The following TPRG1 variants were observed in gnomAD, a reference collection of about 807,000 sequenced individuals.
TPRG1 encodes tumor protein p63 regulated 1.
In TPRG1, 29 loss-of-function variants were observed where a neutral mutation model predicts 29.3. The ratio of observed to expected loss-of-function variants is 0.99; its 90% CI spans 0.74 to 1.35. The LOEUF (loss-of-function observed/expected upper bound fraction) is 1.35, where lower values mean the gene tolerates loss of function less well. Ranked by LOEUF, TPRG1 falls within the 40% of genes most tolerant of loss-of-function variation. The pLI is 0.00. For synonymous variants in TPRG1, 130 were observed against 116.8 expected (o/e 1.11, Z -0.73); for missense variants, 327 against 335.0 (o/e 0.98, Z 0.19).
intron 3 of TPRG1, among the ~76,000 whole-genome samples, chr3:189,227,676 A>G (rs1351968006): frequency 1.3e-5 from 2 of 152,234 alleles, no homozygotes; most frequent in East Asian, 3.8e-4. Context: ...GTTCTTTCAA[A>G]TGTTGATTTC....
chr3:189,292,292 C>CTTTTTTTTTTTTT (rs11459415), intron 4 of TPRG1, among the ~76,000 whole-genome samples: 1 of 114,928 alleles, frequency 8.7e-6, no homozygotes, highest in Non-Finnish European at 1.8e-5. Context: ...GAAGTTTTTG[C>CTTTTTTTTTTTTT]TTTTTTTTTT....
intron 3 of TPRG1, among the ~76,000 whole-genome samples, chr3:189,234,319 A>C (rs1424834853): frequency 1.3e-5 from 2 of 152,236 alleles, no homozygotes; most frequent in Non-Finnish European, 2.9e-5. Context: ...GATATCAAAA[A>C]GTTTAATGTG....
intron 4 of TPRG1, among the ~76,000 whole-genome samples, chr3:189,086,969 G>A (rs1222468194): frequency 1.3e-5 from 2 of 152,150 alleles, no homozygotes; most frequent in African/African-American, 4.8e-5. Context: ...ATAAACATAC[G>A]TGTGCATGTG....
intron 3 of TPRG1, among the ~76,000 whole-genome samples, chr3:189,014,649 G>T (rs1216663718): frequency 6.6e-6 from 1 of 152,124 alleles, no homozygotes; most frequent in African/African-American, 2.4e-5. Context: ...TCTCATGATT[G>T]TGAGGGAGTT....
intron 3 of TPRG1, among the ~76,000 whole-genome samples, chr3:189,011,125 G>A (rs1361979651): frequency 2.0e-5 from 3 of 152,072 alleles, no homozygotes; most frequent in African/African-American, 7.2e-5. Context: ...TGATCTATAT[G>A]TCTGTTGTTG....
intron 3 of TPRG1, among the ~76,000 whole-genome samples, chr3:189,225,777 C>T (rs961626599): frequency 5.9e-5 from 9 of 152,118 alleles, no homozygotes; most frequent in Admixed American, 2.6e-4. Flanking sequence ...AGAAGGAAGC[C>T]TGTGCTTCCA....
At chr3:189,037,224 G>A (rs1015661303) in intron 4 of TPRG1, among the ~76,000 whole-genome samples, 2 of 151,518 alleles carry the variant, frequency 1.3e-5, no homozygotes, top group Non-Finnish European at 3.0e-5. Flanking sequence ...TTATAAATTT[G>A]TGTGTAAAAA....
At chr3:189,257,549 C>A (rs1712126394) in intron 4 of TPRG1, among the ~76,000 whole-genome samples, 1 of 152,072 alleles carries the variant, frequency 6.6e-6, no homozygotes, top group Non-Finnish European at 1.5e-5. Context: ...TGACTGTTGG[C>A]CTGTCTTGCT....
At chr3:189,082,566 G>C (rs1717663397) in intron 4 of TPRG1, among the ~76,000 whole-genome samples, 1 of 152,110 alleles carries the variant, frequency 6.6e-6, no homozygotes, top group Non-Finnish European at 1.5e-5. Context: ...CCTCACAACG[G>C]ATGCCAAGTC....
At chr3:189,184,281 A>G (rs747148339) in intron 1 of TPRG1, among the ~76,000 whole-genome samples, 1 of 152,224 alleles carries the variant, frequency 6.6e-6, no homozygotes, top group Non-Finnish European at 1.5e-5. Flanking sequence ...TGAGTTTGCA[A>G]TGAGCCAATG....
intron 4 of TPRG1, among the ~76,000 whole-genome samples, chr3:189,291,326 A>C (rs1446875821): frequency 1.3e-5 from 2 of 152,184 alleles, no homozygotes; most frequent in African/African-American, 4.8e-5. Context: ...ATGAGGACCA[A>C]ATGAGGTGAT....
At chr3:189,123,756 G>A (rs995744810) in intron 1 of TPRG1, 4 of 152,178 alleles carry the variant, frequency 2.6e-5, no homozygotes, top group South Asian at 4.1e-4. Context: ...TGGCCTAAGC[G>A]AGTAGAGAAA....
chr3:189,176,579 A>G (rs1729517335), intron 1 of TPRG1, among the ~76,000 whole-genome samples: 1 of 152,266 alleles, frequency 6.6e-6, no homozygotes, highest in South Asian at 2.1e-4. Flanking sequence ...GAAAGAGGAT[A>G]GAAAGTTATG....
chr3:189,226,977 C>T (rs1415000586), intron 3 of TPRG1, among the ~76,000 whole-genome samples: 2 of 151,650 alleles, frequency 1.3e-5, no homozygotes, highest in Non-Finnish European at 2.9e-5. Context: ...AAACCAATTT[C>T]GCAAAACACA....
chr3:189,147,851 C>T (rs1413050807), intron 4 of TPRG1, among the ~76,000 whole-genome samples: 1 of 152,178 alleles, frequency 6.6e-6, no homozygotes. Context: ...TAAGGAACTT[C>T]AGCAGACGCC....
At chr3:189,239,025 A>G in intron 4 of TPRG1, 116 bp downstream of exon 4, 3 of 840,964 alleles carry the variant, frequency 3.6e-6, no homozygotes, top group Non-Finnish European at 5.3e-6. Flanking sequence ...GAGGATAGTG[A>G]AATCATGAAA....
intron 1 of TPRG1, among the ~76,000 whole-genome samples, chr3:189,172,480 T>C (rs941636844): frequency 1.8e-4 from 28 of 152,188 alleles, no homozygotes; most frequent in Non-Finnish European, 3.2e-4. Context: ...TTTGTTCCAA[T>C]TGGATCAGCA....
chr3:189,089,747 G>A (rs192115476), intron 4 of TPRG1, among the ~76,000 whole-genome samples: 1 of 152,138 alleles, frequency 6.6e-6, no homozygotes. Context: ...ATCAATTCAT[G>A]AATGGACTAA....
chr3:189,241,775 C>T (rs73184455), intron 4 of TPRG1, among the ~76,000 whole-genome samples: 31,339 of 151,952 alleles, frequency 0.21, 3,801 homozygotes, highest in Non-Finnish European at 0.27. Context: ...GAGTTTATTA[C>T]GGGGTTCTGC....
Sources: allele counts gnomAD v4.1 joint callset (sites outside exome capture counted in the v4.1 genomes callset), GRCh38; gene constraint gnomAD v4.1.1; transcripts MANE v1.5; gene names NCBI Gene and HGNC (gene_info 2026-07-23, HGNC 2026-07-21).